Variants in PRKG1 observed in about 807,000 individuals in gnomAD.
PRKG1 encodes the protein cGMP-dependent protein kinase 1.
PRKG1 carries 35 observed loss-of-function variants against 88.1 expected under a neutral mutation model. The observed-to-expected ratio is 0.40, with a 90% CI of 0.30 to 0.53. The LOEUF (loss-of-function observed/expected upper bound fraction) is 0.53. Among genes scored for constraint, PRKG1 ranks in the 20% least tolerant of loss-of-function variants. The pLI is 0.59. For missense variants in PRKG1, 540 were observed against 839.8 expected, an observed-to-expected ratio of 0.64 and a Z score of 4.41; for synonymous variants, 303 against 292.5, an observed-to-expected ratio of 1.04 and a Z score of -0.37.
intron 3 of PRKG1, among the ~76,000 whole-genome samples, chr10:51,562,611 G>A (rs1346833596): frequency 3.3e-5 from 5 of 152,044 alleles, no homozygotes; most frequent in African/African-American, 2.4e-5. Context: ...ATCTGGAAAT[G>A]TATTATCTCT....
intron 4 of PRKG1, among the ~76,000 whole-genome samples, chr10:51,875,876 A>C (rs560946000): frequency 1.3e-4 from 20 of 152,058 alleles, no homozygotes; most frequent in Admixed American, 7.9e-4. Context: ...AATTTTTGGA[A>C]TAGGTAAGTG....
At chr10:51,546,038 G>A (rs1293877472) in intron 3 of PRKG1, among the ~76,000 whole-genome samples, 1 of 141,370 alleles carries the variant, frequency 7.1e-6, no homozygotes, top group East Asian at 2.2e-4. Context: ...TCTGTTTTGT[G>A]CTTTCTGATC....
chr10:51,941,797 G>A (rs1842915107), intron 5 of PRKG1, among the ~76,000 whole-genome samples: 1 of 151,664 alleles, frequency 6.6e-6, no homozygotes, highest in Admixed American at 6.6e-5. Context: ...CCTTTTTTAT[G>A]GCTGCATAGT....
chr10:51,970,001 TACACACACACACACACACACACACACAC>T (rs35117709), intron 5 of PRKG1, among the ~76,000 whole-genome samples: 3 of 144,484 alleles, frequency 2.1e-5, no homozygotes, highest in South Asian at 4.4e-4. Context: ...ATTCTCTTCA[TACACACACACACACACACACACACACAC>T]ACACACACAC....
chr10:51,477,400 G>A (rs1840228227), intron 3 of PRKG1, among the ~76,000 whole-genome samples: 1 of 151,394 alleles, frequency 6.6e-6, no homozygotes, highest in Admixed American at 6.6e-5. Context: ...TAGTGGAGGA[G>A]ATAGAAACTG....
At chr10:51,975,222 G>A (rs988426846) in intron 5 of PRKG1, among the ~76,000 whole-genome samples, 1 of 151,990 alleles carries the variant, frequency 6.6e-6, no homozygotes, top group African/African-American at 2.4e-5. Context: ...AATTTGCCCA[G>A]GGACATACAG....
chr10:51,793,442 TGAA>T (rs1838925425), intron 3 of PRKG1, among the ~76,000 whole-genome samples: 1 of 151,846 alleles, frequency 6.6e-6, no homozygotes, highest in Admixed American at 6.6e-5. Context: ...TCATAGGAGT[TGAA>T]GAAAAGAAAG....
chr10:52,100,194 GA>G, intron 7 of PRKG1, among the ~76,000 whole-genome samples: 1 of 152,276 alleles, frequency 6.6e-6, no homozygotes, highest in Non-Finnish European at 1.5e-5. Flanking sequence ...GACTGGACAG[GA>G]ATCCCCTTTG....
chr10:51,331,793 T>C (rs1257277028), intron 2 of PRKG1, among the ~76,000 whole-genome samples: 1 of 152,206 alleles, frequency 6.6e-6, no homozygotes, highest in Non-Finnish European at 1.5e-5. Flanking sequence ...TGCCCCCTAA[T>C]CTATGGTTTT....
intron 3 of PRKG1, among the ~76,000 whole-genome samples, chr10:51,529,920 A>G (rs1841978017): frequency 6.6e-6 from 1 of 152,146 alleles, no homozygotes. Flanking sequence ...GTCTTTATTG[A>G]TTTAATTAAT....
At chr10:52,029,434 G>C (rs1192725765) in intron 5 of PRKG1, among the ~76,000 whole-genome samples, 1 of 152,176 alleles carries the variant, frequency 6.6e-6, no homozygotes, top group African/African-American at 2.4e-5. Flanking sequence ...GAGAGGAATG[G>C]AATAGCTTCT....
At chr10:51,203,889 C>A (rs988697265) in intron 2 of PRKG1, among the ~76,000 whole-genome samples, 4 of 152,182 alleles carry the variant, frequency 2.6e-5, no homozygotes, top group Admixed American at 6.5e-5. Flanking sequence ...TCCTGTTACA[C>A]AGTAACTCTT....
intron 5 of PRKG1, among the ~76,000 whole-genome samples, chr10:51,991,729 C>A (rs1025798579): frequency 1.6e-4 from 24 of 152,196 alleles, no homozygotes; most frequent in African/African-American, 5.8e-4. Flanking sequence ...TTTATGGCTG[C>A]ATAGTATTCC....
At chr10:52,079,656 C>T (rs1846719386) in intron 7 of PRKG1, among the ~76,000 whole-genome samples, 1 of 151,978 alleles carries the variant, frequency 6.6e-6, no homozygotes, top group Non-Finnish European at 1.5e-5. Flanking sequence ...CTTATCCTAC[C>T]CCAGTTGGAT....
chr10:51,153,423 C>A, intron 2 of PRKG1, 93 bp downstream of exon 2: 1 of 1,218,132 alleles, frequency 8.2e-7, no homozygotes, highest in Non-Finnish European at 1.1e-6. Context: ...ATGGAAAATT[C>A]CATTTTTCCT....
intron 3 of PRKG1, among the ~76,000 whole-genome samples, chr10:51,501,667 A>C (rs1289036648): frequency 6.6e-6 from 1 of 152,160 alleles, no homozygotes; most frequent in African/African-American, 2.4e-5. Context: ...GTTATTTGGC[A>C]AAAGGGCTTG....
chr10:52,186,809 C>T (rs754576047), intron 9 of PRKG1, among the ~76,000 whole-genome samples: 1 of 152,046 alleles, frequency 6.6e-6, no homozygotes, highest in Non-Finnish European at 1.5e-5. Context: ...GGGAAAACAA[C>T]ACTAAAATTA....
chr10:52,204,851 G>A (rs375101638), intron 9 of PRKG1, among the ~76,000 whole-genome samples: 1 of 152,178 alleles, frequency 6.6e-6, no homozygotes, highest in Non-Finnish European at 1.5e-5. Flanking sequence ...CAGGGAACAA[G>A]GGAGATAAAG....
At chr10:51,842,801 A>C (rs184535940) in intron 4 of PRKG1, among the ~76,000 whole-genome samples, 238 of 152,226 alleles carry the variant, frequency 1.6e-3, no homozygotes, top group Non-Finnish European at 3.0e-3. Context: ...ATTATGCAAT[A>C]TTATAAAAGA....
Sources: gnomAD v4.1 joint callset for allele counts (sites outside exome capture counted in the v4.1 genomes callset) on GRCh38, gnomAD v4.1.1 for gene constraint, MANE v1.5 for transcripts, NCBI Gene and HGNC (gene_info 2026-07-23, HGNC 2026-07-21) for gene names.